Variants in RASA1 observed in about 807,000 individuals in gnomAD.
RASA1 encodes RAS p21 protein activator 1.
RASA1 carries 25 observed loss-of-function variants against 132.2 expected under a neutral mutation model. The observed-to-expected ratio is 0.19, with a 90% CI of 0.14 to 0.26. RASA1 has a LOEUF of 0.26. RASA1 is among the 10% of genes least tolerant of loss of function. RASA1 has a pLI of 1.00. For missense variants in RASA1, 964 were observed against 1,299.2 expected (o/e 0.74, Z 3.97); for synonymous variants, 477 against 449.9 (o/e 1.06, Z -0.76).
intron 1 of RASA1, among the ~76,000 whole-genome samples, chr5:87,295,797 C>T (rs1482212691): frequency 6.6e-6 from 1 of 151,874 alleles, no homozygotes; most frequent in African/African-American, 2.4e-5. Flanking sequence ...TAGGCATGAG[C>T]CACCACGCCT....
At chr5:87,314,901 G>T (rs1756205902) in intron 1 of RASA1, among the ~76,000 whole-genome samples, 1 of 152,204 alleles carries the variant, frequency 6.6e-6, no homozygotes, top group African/African-American at 2.4e-5. Flanking sequence ...GAGTATGACA[G>T]ATATGTGACC....
chr5:87,363,318 TAAGAG>T, intron 10 of RASA1, 25 bp from the exon 11 acceptor site: 2 of 1,555,158 alleles, frequency 1.3e-6, no homozygotes, highest in East Asian at 2.3e-5. Flanking sequence ...ATTGTTTGGC[TAAGAG>T]AAAACAATTT....
rs191759701 is a variant in RASA1 at position 87,349,352 on chromosome 5, G to A, written c.1241G>A (p.Arg414Gln). ...AACAATCAGTTTATGATGGGAGGCC[G>A]GTATTATAACAGGTAAATCATAATT... ...TPNNQFMMGG[R>Q]YYNSIGDIID... Residue 414 changes from arginine (R) to glutamine (Q), a missense_variant, in exon 8 of 25, where the codon CGG becomes CAG. Transcript: ENST00000274376. 4 of 1,611,298 alleles carry A rather than the reference G, an allele frequency of 2.5e-6. No homozygotes were observed. The highest frequency in any genetic ancestry group is 2.2e-5 in the East Asian group (1 of 44,696).
At position 87,331,450 on chromosome 5, in the gene RASA1, G is replaced by T. The variant is rs1290300852; in HGVS notation, c.642G>T (p.Gly214=). ...YLIRESDRRP[G]SFVLSFLSQM... ...TAAGAGAGAGTGATCGGAGGCCAGG[G>T]TCCTTTGTACTTTCATTTCTTAGCC... Residue 214 remains glycine, a synonymous_variant, in exon 2 of 25, where the codon GGG becomes GGT. Transcript: ENST00000274376. 6.2e-7 allele frequency: 1 copy of T among 1,613,874 alleles called. No individual in the cohort carries two copies. Among genetic ancestry groups the T allele is most frequent in the East Asian group, 2.2e-5 (1 of 44,844 alleles).
rs1395749005 is a variant in RASA1, at chr5:87,377,057, T to C, written c.2344+17T>C. On this transcript the variant is annotated intron_variant, in intron 17 of 24. Transcript: ENST00000274376. ...GCATGGAAGGTATGGTATGGCCATG[T>C]TAGTGTGATACAAGAAACTGGGTTT... is the stretch of plus-strand genomic sequence containing the variant. 3 of 1,607,902 alleles carry C rather than the reference T, an allele frequency of 1.9e-6. No individual in the cohort carries two copies. The highest frequency in any genetic ancestry group is 1.3e-5 in the African/African-American group (1 of 74,762).
At chr5:87,317,598 G>A (rs1318582231) in intron 1 of RASA1, among the ~76,000 whole-genome samples, 1 of 150,190 alleles carries the variant, frequency 6.7e-6, no homozygotes, top group African/African-American at 2.4e-5. Flanking sequence ...AGGAAAAGAT[G>A]ACCTTTTTCC....
intron 13 of RASA1, among the ~76,000 whole-genome samples, chr5:87,372,789 A>C (rs1209196516): frequency 6.6e-6 from 1 of 152,108 alleles, no homozygotes; most frequent in African/African-American, 2.4e-5. Context: ...AAATTTTGAC[A>C]TTCTCAAGGT....
intron 1 of RASA1, among the ~76,000 whole-genome samples, chr5:87,281,591 G>GT (rs1053482773): frequency 6.5e-4 from 98 of 149,722 alleles, no homozygotes; most frequent in African/African-American, 2.4e-3. Flanking sequence ...TTTTGTTTTT[G>GT]TTTTTTTGAG....
intron 7 of RASA1, among the ~76,000 whole-genome samples, chr5:87,346,958 A>G (rs1478919522): frequency 6.6e-6 from 1 of 152,024 alleles, no homozygotes. Flanking sequence ...CTTCCTCAGA[A>G]GTAACACTAG....
At chr5:87,269,085 GGTTT>G in intron 1 of RASA1, 95 bp downstream of exon 1, 1 of 1,613,844 alleles carries the variant, frequency 6.2e-7, no homozygotes, top group Non-Finnish European at 8.5e-7. Context: ...TTTCATCTGT[GGTTT>G]GTTAGGAAAA....
chr5:87,363,557 G>A (rs1175167928), intron 11 of RASA1, 53 bp downstream of exon 11: 3 of 1,575,380 alleles, frequency 1.9e-6, no homozygotes, highest in Non-Finnish European at 2.6e-6. Flanking sequence ...TAATAAAATA[G>A]TACAAACAAA....
intron 15 of RASA1, among the ~76,000 whole-genome samples, chr5:87,375,905 T>C (rs904827128): frequency 2.6e-5 from 4 of 152,234 alleles, no homozygotes; most frequent in East Asian, 1.9e-4. Flanking sequence ...CCAAACCCCA[T>C]AGTAATGACA....
At chr5:87,318,409 A>G (rs551786645) in intron 1 of RASA1, 1 of 152,336 alleles carries the variant, frequency 6.6e-6, no homozygotes, top group African/African-American at 2.4e-5. Context: ...ACTACCTGAG[A>G]CTGGGTAGTT....
At chr5:87,356,130 G>C (rs1030661870) in intron 9 of RASA1, among the ~76,000 whole-genome samples, 1 of 152,188 alleles carries the variant, frequency 6.6e-6, no homozygotes, top group Non-Finnish European at 1.5e-5. Context: ...AAAGCAGCAA[G>C]AGGGTTTGGG....
intron 21 of RASA1, among the ~76,000 whole-genome samples, chr5:87,384,639 G>A (rs929287647): frequency 6.6e-6 from 1 of 151,998 alleles, no homozygotes; most frequent in Non-Finnish European, 1.5e-5. Flanking sequence ...TCTAAAACTA[G>A]GCAGTCAGGT....
intron 1 of RASA1, 114 bp from the exon 2 acceptor site, chr5:87,331,234 A>G (rs1757573725): frequency 1.7e-6 from 2 of 1,165,232 alleles, no homozygotes; most frequent in Non-Finnish European, 2.6e-6. Context: ...GTAAAATGTA[A>G]ATGTTTAAGT....
At chr5:87,378,849 T>G (rs1235002078) in intron 18 of RASA1, among the ~76,000 whole-genome samples, 1 of 152,176 alleles carries the variant, frequency 6.6e-6, no homozygotes, top group Non-Finnish European at 1.5e-5. Flanking sequence ...AAATTGAAGG[T>G]TTTGTTAGTG....
chr5:87,345,072 C>T (rs1214764215), intron 6 of RASA1, among the ~76,000 whole-genome samples: 9 of 152,032 alleles, frequency 5.9e-5, no homozygotes, highest in Admixed American at 5.9e-4. Flanking sequence ...CTCTTGGGCT[C>T]AAGAGATCCT....
At chr5:87,385,250 TG>T (rs1462513007) in intron 21 of RASA1, 50 bp from the exon 22 acceptor site, 3 of 1,136,454 alleles carry the variant, frequency 2.6e-6, no homozygotes, top group Non-Finnish European at 4.0e-6. Flanking sequence ...ATGGTTTAGC[TG>T]GAAGTGCTGT....
Sources: allele counts gnomAD v4.1 joint callset (sites outside exome capture counted in the v4.1 genomes callset), GRCh38; gene constraint gnomAD v4.1.1; transcripts MANE v1.5; gene names NCBI Gene and HGNC (gene_info 2026-07-23, HGNC 2026-07-21).